MAD1L1: variants seen among roughly 807,000 people sequenced by gnomAD.
MAD1L1 encodes mitotic spindle assembly checkpoint protein MAD1.
MAD1L1 carries 95 observed loss-of-function variants against 96.9 expected under a neutral mutation model. The observed-to-expected ratio is 0.98, with a 90% CI of 0.83 to 1.16. MAD1L1 has a LOEUF of 1.16. Among genes scored for constraint, MAD1L1 ranks in the 50% most tolerant of loss-of-function variants. The pLI is 0.00. For missense variants in MAD1L1, 1,007 were observed against 954.4 expected (o/e 1.06, Z -0.73); for synonymous variants, 473 against 396.6 (o/e 1.19, Z -2.29).
At chr7:2,075,499 G>A (rs1415143868) in intron 11 of MAD1L1, among the ~76,000 whole-genome samples, 3 of 152,152 alleles carry the variant, frequency 2.0e-5, no homozygotes, top group African/African-American at 4.8e-5. Context: ...TTCCATGCTT[G>A]GACTGAACTC....
At chr7:1,846,984 C>T (rs1300931647) in intron 18 of MAD1L1, 3 of 326,208 alleles carry the variant, frequency 9.2e-6, no homozygotes, top group East Asian at 9.2e-5. Context: ...CTGATGGCTC[C>T]GCGTTTTCAT....
chr7:1,942,925 A>AGG (rs1461131920), intron 16 of MAD1L1, among the ~76,000 whole-genome samples: 1 of 152,212 alleles, frequency 6.6e-6, no homozygotes, highest in Non-Finnish European at 1.5e-5. Context: ...TGTGGGCATG[A>AGG]GGACCGACGT....
intron 11 of MAD1L1, among the ~76,000 whole-genome samples, chr7:2,106,160 T>G (rs1217903436): frequency 7.1e-6 from 1 of 140,202 alleles, no homozygotes; most frequent in Non-Finnish European, 1.5e-5. Context: ...CACAGGGCCC[T>G]TGCCCCATTA....
intron 11 of MAD1L1, among the ~76,000 whole-genome samples, chr7:2,097,775 G>A (rs1786569151): frequency 6.6e-6 from 1 of 152,252 alleles, no homozygotes; most frequent in Non-Finnish European, 1.5e-5. Context: ...GGGGAAGGGA[G>A]ACAGTGAGGC....
At chr7:2,181,586 C>T (rs78309030) in intron 10 of MAD1L1, among the ~76,000 whole-genome samples, 6,983 of 152,126 alleles carry the variant, frequency 0.046, 562 homozygotes, top group African/African-American at 0.16. Flanking sequence ...TTACATTGCT[C>T]GTGGGAATGG....
intron 18 of MAD1L1, among the ~76,000 whole-genome samples, chr7:1,820,297 C>T (rs541322898): frequency 6.6e-6 from 1 of 152,104 alleles, no homozygotes. Context: ...TAGAGGGAAA[C>T]GGACAGCACT....
intron 11 of MAD1L1, among the ~76,000 whole-genome samples, chr7:2,095,206 CT>C (rs1786422411): frequency 6.6e-6 from 1 of 152,100 alleles, no homozygotes; most frequent in Admixed American, 6.6e-5. Flanking sequence ...CCACGCCTGG[CT>C]ACATTTTTTT....
At chr7:2,131,034 T>C (rs1788485787) in intron 11 of MAD1L1, among the ~76,000 whole-genome samples, 1 of 152,252 alleles carries the variant, frequency 6.6e-6, no homozygotes, top group Non-Finnish European at 1.5e-5. Context: ...TGTGCTTCCC[T>C]GGTGGCCGTC....
chr7:2,130,718 T>C (rs1562715361), intron 11 of MAD1L1, among the ~76,000 whole-genome samples: 1 of 152,194 alleles, frequency 6.6e-6, no homozygotes, highest in Non-Finnish European at 1.5e-5. Context: ...CGTAAATAAC[T>C]AGGAGAGACC....
At chr7:1,974,037 T>C (rs906668967) in intron 15 of MAD1L1, among the ~76,000 whole-genome samples, 9 of 152,164 alleles carry the variant, frequency 5.9e-5, no homozygotes, top group Non-Finnish European at 1.2e-4. Context: ...GGCAGGAGCC[T>C]GCATGTCACT....
At chr7:2,077,467 A>G (rs1486874638) in intron 11 of MAD1L1, among the ~76,000 whole-genome samples, 12 of 152,214 alleles carry the variant, frequency 7.9e-5, no homozygotes, top group Admixed American at 2.0e-4. Flanking sequence ...CCATGCCTTG[A>G]GCACCCCCAT....
rs756910579 is a variant in MAD1L1, at chr7:2,222,673, G to A, written c.373C>T (p.Gln125Ter). ...EREAGAEEKM[Q>*]EQLERNRQCQ... ...TGCCTGTTGCGCTCCAGCTGCTCCT[G>A]CATCTTCTCCTCCGCCCCGGCCTCC... is the stretch of plus-strand genomic sequence containing the variant. Residue 125 changes from glutamine (Q) to a stop codon, truncating the protein, a stop_gained, in exon 5 of 19, where the codon CAG becomes TAG. Transcript: ENST00000265854. LOFTEE classifies it high-confidence loss of function. 15 of 1,612,700 alleles carry A rather than the reference G, an allele frequency of 9.3e-6. No individual in the cohort carries two copies. The highest frequency in any genetic ancestry group is 1.2e-5 in the Non-Finnish European group (14 of 1,179,856).
rs75329156 is a variant in MAD1L1, at chr7:1,881,041, C to T, written c.1998+17159G>A. 4.3e-4 allele frequency among the ~76,000 whole-genome samples: 65 copies of T among 152,268 alleles called. No individual in the cohort carries two copies. In the East Asian group the frequency reaches 5.8e-3, roughly 14 times the overall value. On this transcript the variant is annotated intron_variant, in intron 18 of 18. Transcript: ENST00000265854. The stretch of plus-strand genomic sequence containing the variant: ...CAGAACCTTAGGTGAACCAGGGCCC[C>T]GGTGTGCTGATCTTCATAAGATGGA...
At chr7:2,065,002 G>T (rs1230426696) in intron 12 of MAD1L1, among the ~76,000 whole-genome samples, 1 of 152,154 alleles carries the variant, frequency 6.6e-6, no homozygotes. Context: ...GAGGACAGTG[G>T]CTGATCATAG....
At chr7:2,192,032 A>AT (rs199831461) in intron 10 of MAD1L1, among the ~76,000 whole-genome samples, 3,974 of 150,792 alleles carry the variant, frequency 0.026, 91 homozygotes, top group South Asian at 0.072. Context: ...CTCTGTCTCG[A>AT]TAAAAAAAAA....
At chr7:2,009,491 G>C (rs1245901227) in intron 13 of MAD1L1, among the ~76,000 whole-genome samples, 1 of 152,230 alleles carries the variant, frequency 6.6e-6, no homozygotes, top group Non-Finnish European at 1.5e-5. Context: ...CAAGTGGCTT[G>C]TGACACAACG....
Position 1,816,109 on chromosome 7 carries a change from C to T in MAD1L1, c.2118G>A (p.Ser706=), listed in dbSNP as rs201810487. 21 of 1,612,432 alleles carry T rather than the reference C, an allele frequency of 1.3e-5. No individual in the cohort carries two copies. The highest frequency in any genetic ancestry group is 1.1e-4 in the East Asian group (5 of 44,842). ...RQDSIPAFLS[S]LTLELFSRQT... Reference sequence around the variant, plus strand: ...GGCGGCTGAAGAGCTCGAGGGTGAGCGAGCTGAGGAAGGCAGGGATGCTGT... The same window carrying T: ...GGCGGCTGAAGAGCTCGAGGGTGAGTGAGCTGAGGAAGGCAGGGATGCTGT... Residue 706 remains serine, a synonymous_variant, in exon 19 of 19, where the codon TCG becomes TCA. Transcript: ENST00000265854.
intron 17 of MAD1L1, among the ~76,000 whole-genome samples, chr7:1,907,915 G>C (rs1787770247): frequency 6.6e-6 from 1 of 152,208 alleles, no homozygotes; most frequent in Non-Finnish European, 1.5e-5. Context: ...GCATGGTCCG[G>C]AGAGACAGGG....
intron 10 of MAD1L1, among the ~76,000 whole-genome samples, chr7:2,209,158 A>G (rs1210161224): frequency 1.3e-5 from 2 of 152,196 alleles, no homozygotes; most frequent in Non-Finnish European, 2.9e-5. Flanking sequence ...TGTGTGACAC[A>G]TAAGGACCTC....
Sources: allele counts gnomAD v4.1 joint callset (sites outside exome capture counted in the v4.1 genomes callset), GRCh38; gene constraint gnomAD v4.1.1; transcripts MANE v1.5; gene names NCBI Gene and HGNC (gene_info 2026-07-23, HGNC 2026-07-21).